The following MUC3A variants were observed in gnomAD, a reference collection of about 807,000 sequenced individuals.
MUC3A encodes the protein mucin-3A.
Under a neutral mutation model 109.0 loss-of-function variants are expected in MUC3A, and 109 were observed. The ratio of observed to expected loss-of-function variants is 1.00; its 90% CI spans 0.86 to 1.17. The LOEUF is 1.17. MUC3A is among the 50% of genes most tolerant of loss of function. The pLI, the probability that MUC3A is intolerant of heterozygous loss-of-function variation, is 0.00. For missense variants in MUC3A, 3,537 were observed against 2,469.4 expected, an observed-to-expected ratio of 1.43 and a Z score of -9.16; for synonymous variants, 1,398 against 981.4, an observed-to-expected ratio of 1.42 and a Z score of -7.93.
chr7:100,963,357 G>T, intron 4 of MUC3A, 91 bp downstream of exon 4: 2 of 947,372 alleles, frequency 2.1e-6, no homozygotes, highest in Non-Finnish European at 3.1e-6. Flanking sequence ...GCGATCTTGG[G>T]TCACTGCAAC....
chr7:100,952,687 C>A lies in MUC3A; in HGVS notation c.908C>A (p.Thr303Lys), dbSNP rs373932626. The change falls in exon 2 of 12, where the codon ACA (threonine) becomes AAA (lysine). Residue 303 changes from threonine (T) to lysine (K), a missense_variant. Transcript: ENST00000379458. ...LSSTPVLSTE[T>K]ITSGITNTTP... Reference sequence around the variant, plus strand: ...TCCACACCTGTCCTGAGCACAGAAACAATCACCAGTGGTATCACAAACACC... The same window carrying A: ...TCCACACCTGTCCTGAGCACAGAAAAAATCACCAGTGGTATCACAAACACC... 1.4e-6 allele frequency: 2 copies of A among 1,454,208 alleles called. No homozygotes were observed. The highest frequency in any genetic ancestry group is 2.1e-5 in the Admixed American group (1 of 47,990). 90.1% of individuals were successfully genotyped at this position (1,454,208 alleles called of 1,614,324 possible).
rs1205111874 is a variant in MUC3A, at chr7:100,955,273, C to A, written c.3494C>A (p.Thr1165Lys). 3 of 764,242 alleles carry A rather than the reference C, an allele frequency of 3.9e-6. No individual in the cohort carries two copies. Among genetic ancestry groups the A allele is most frequent in the Non-Finnish European group, 7.2e-6 (3 of 417,610 alleles). 47.3% of individuals were successfully genotyped at this position (764,242 alleles called of 1,614,324 possible). Residue 1165 changes from threonine (T) to lysine (K), a missense_variant, in exon 2 of 12, where the codon ACA becomes AAA. Thr to Lys is a moderately conservative substitution (Grantham distance 78). Transcript: ENST00000379458. ...TSSTIYSTVS[T>K]STTAISSASP... ...TCAACCATCTACTCCACAGTCAGCA[C>A]ATCCACAACTGCCATCTCCTCAGCT... is the stretch of plus-strand genomic sequence containing the variant.
At position 100,967,104 on chromosome 7, in the gene MUC3A, C is replaced by T. The variant is rs972050398; in HGVS notation, c.9931-17C>T. The T allele has an allele frequency of 1.3e-6, 2 of 1,598,550 alleles. No homozygotes were observed. Among genetic ancestry groups the T allele is most frequent in the Non-Finnish European group, 1.7e-6 (2 of 1,179,822 alleles). ...CCAGTGGCTCCGCGTTCCCGTCCCTCACTGTGACTCTGACAGGTGCACATC... is the reference window on the plus strand; with the variant it reads ...CCAGTGGCTCCGCGTTCCCGTCCCTTACTGTGACTCTGACAGGTGCACATC... On this transcript the variant is annotated splice_polypyrimidine_tract_variant and intron_variant, in intron 11 of 11. Transcript: ENST00000379458.
At chr7:100,963,303 T>TTTTGA in intron 4 of MUC3A, 37 bp downstream of exon 4, 12 of 1,393,072 alleles carry the variant, frequency 8.6e-6, no homozygotes, top group South Asian at 2.6e-5. Context: ...TTTTTTTTTT[T>TTTTGA]GAGGTGTAGT....
In MUC3A at chr7:100,953,542, C is replaced by A; in HGVS notation, c.1763C>A (p.Ser588Ter). ...ACTTCCACAACTATGGAACCACCTT[C>A]AACCACTGCAGCAACTACAGGAACA... ...FTTSTTMEPP[S>*]TTAATTGTGQ... The change falls in exon 2 of 12, where the codon TCA (serine) becomes TAA (stop). Residue 588 changes from serine (S) to a stop codon, truncating the protein, a stop_gained. Transcript: ENST00000379458. LOFTEE classifies it high-confidence loss of function. The A allele has an allele frequency of 2.5e-6, 1 of 393,372 alleles. No homozygotes were observed. Among genetic ancestry groups the A allele is most frequent in the Middle Eastern group, 5.1e-4 (1 of 1,958 alleles). 24.4% of individuals were successfully genotyped at this position (393,372 alleles called of 1,614,324 possible). A position where few individuals can be genotyped will look rare whatever the true frequency, so the allele number is the denominator to read the frequency against.
At chr7:100,964,906 GC>G (rs776732733) in intron 6 of MUC3A, 63 bp downstream of exon 6, 4,341 of 1,525,036 alleles carry the variant, frequency 2.8e-3, no homozygotes, top group Non-Finnish European at 3.5e-3. Context: ...CTCCAGCTCA[GC>G]CAGGGGGCCA....
Position 100,960,480 on chromosome 7 carries a change from A to G in MUC3A, c.8701A>G (p.Thr2901Ala). ...CATGAAACCAAGCAGTAGCCTCCCG[A>G]CCATCCTGAGGACTTCAAGCAAGTC... ...LTMKPSSSLP[T>A]ILRTSSKSTH... The change falls in exon 2 of 12, where the codon ACC becomes GCC. Residue 2901 changes from threonine to alanine, a missense_variant. By Grantham distance (58) the Thr-to-Ala change is moderately conservative. Coordinates refer to ENST00000379458, the MANE Select transcript of MUC3A (RefSeq NM_005960.2). The G allele has an allele frequency of 1.3e-6, 2 of 1,598,658 alleles. No individual in the cohort carries two copies. The highest frequency in any genetic ancestry group is 1.3e-5 in the African/African-American group (1 of 75,086).
At position 100,957,132 on chromosome 7, in the gene MUC3A, A is replaced by T; in HGVS notation, c.5353A>T (p.Thr1785Ser). Residue 1785 changes from threonine to serine, a missense_variant, in exon 2 of 12, where the codon ACA becomes TCA. Transcript: ENST00000379458. ...GACAACTACCACCCCTCTAGGGCCC[A>T]CAGCCACTAATACGTTACCATCATT... ...SMTTTTPLGP[T>S]ATNTLPSFTS... The T allele has an allele frequency of 2.2e-6, 1 of 458,192 alleles. No individual in the cohort carries two copies. The highest frequency in any genetic ancestry group is 3.8e-6 in the Non-Finnish European group (1 of 261,582). 28.4% of individuals were successfully genotyped at this position (458,192 alleles called of 1,614,324 possible).
Position 100,967,285 on chromosome 7 carries a change from G to C in MUC3A, c.*123G>C, listed in dbSNP as rs1792630484. ...CCAGGCTCCTGCTGTTCTTGGGCAAGATGAGACTGTTCCCCCAAATCCCAT... is the reference window on the plus strand; with the variant it reads ...CCAGGCTCCTGCTGTTCTTGGGCAACATGAGACTGTTCCCCCAAATCCCAT... On this transcript the variant is annotated 3_prime_UTR_variant, in exon 12 of 12. Coordinates refer to ENST00000379458, the MANE Select transcript of MUC3A (RefSeq NM_005960.2). 6.9e-7 allele frequency: 1 copy of C among 1,451,580 alleles called. No individual in the cohort carries two copies. Among genetic ancestry groups the C allele is most frequent in the Non-Finnish European group, 9.3e-7 (1 of 1,072,802 alleles). 89.9% of individuals were successfully genotyped at this position (1,451,580 alleles called of 1,614,324 possible).
At position 100,959,667 on chromosome 7, in the gene MUC3A, C is replaced by G; in HGVS notation, c.7888C>G (p.Pro2630Ala). ...CACGATCGTGTCAACATCACAGGTT[C>G]CTATTCCTAGCACACATTCCTCCAC... ...LSTIVSTSQV[P>A]IPSTHSSTLQ... The change falls in exon 2 of 12, where the codon CCT becomes GCT. Residue 2630 changes from proline (P) to alanine (A), a missense_variant. By Grantham distance (27) the Pro-to-Ala change is conservative. Transcript: ENST00000379458. The G allele has an allele frequency of 6.3e-7, 1 of 1,598,528 alleles. No individual in the cohort carries two copies. The highest frequency in any genetic ancestry group is 8.5e-7 in the Non-Finnish European group (1 of 1,179,796).
In MUC3A at chr7:100,965,764, C is replaced by T; in HGVS notation, c.9509C>T (p.Ala3170Val). ...GAGTTCTACTTCCCCTTGGTGGAGG[C>T]CACCCGGCTCCGCTGTGTCACCAAA... ...YEEFYFPLVE[A>V]TRLRCVTKCT... The change falls in exon 8 of 12, where the codon GCC becomes GTC. Residue 3170 changes from alanine to valine, a missense_variant. Ala to Val is a moderately conservative substitution (Grantham distance 64). Transcript: ENST00000379458. 6.3e-7 allele frequency: 1 copy of T among 1,598,460 alleles called. No homozygotes were observed. The highest frequency in any genetic ancestry group is 2.2e-5 in the East Asian group (1 of 44,890).
intron 5 of MUC3A, 153 bp downstream of exon 5, chr7:100,963,905 C>T (rs983158836): frequency 1.0e-5 from 11 of 1,097,328 alleles, no homozygotes; most frequent in East Asian, 5.2e-5. Context: ...TTTTTCGGAT[C>T]GTTTTCTGGG....
In MUC3A at chr7:100,958,145, C is replaced by G; in HGVS notation, c.6366C>G (p.His2122Gln). ...TCACCACCTCTGAGATGCCCTCACACAGTACTCCCAGCTTCACTTCTTCGA... is the reference window on the plus strand; with the variant it reads ...TCACCACCTCTGAGATGCCCTCACAGAGTACTCCCAGCTTCACTTCTTCGA... The part of the protein sequence containing the change: ...SSITTSEMPS[H>Q]STPSFTSSIT... Residue 2122 changes from histidine to glutamine, a missense_variant, in exon 2 of 12, where the codon CAC becomes CAG. Coordinates refer to ENST00000379458, the MANE Select transcript of MUC3A (RefSeq NM_005960.2). The G allele has an allele frequency of 2.2e-6, 2 of 925,994 alleles. No individual in the cohort carries two copies. Among genetic ancestry groups the G allele is most frequent in the Non-Finnish European group, 3.0e-6 (2 of 657,820 alleles). The allele number at this position is 925,994 out of a possible 1,614,324, so 57.4% of individuals were successfully genotyped here.
In MUC3A at chr7:100,956,833, C is replaced by T; in HGVS notation, c.5054C>T (p.Ala1685Val). 2.4e-6 allele frequency: 1 copy of T among 413,422 alleles called. No individual in the cohort carries two copies. The highest frequency in any genetic ancestry group is 4.3e-5 in the Admixed American group (1 of 23,192). 25.6% of individuals were successfully genotyped at this position (413,422 alleles called of 1,614,324 possible). The change falls in exon 2 of 12, where the codon GCC (alanine) becomes GTC (valine). Residue 1685 changes from alanine (A) to valine (V), a missense_variant. Physicochemically the swap from Ala to Val is moderately conservative, Grantham distance 64. Transcript: ENST00000379458. ...THTQSISSPP[A>V]ITSTLHTTAE... The stretch of plus-strand genomic sequence containing the variant: ...ACCCAGAGTATCTCCTCACCCCCAG[C>T]CATCACCAGTACACTCCACACAACA...
At position 100,965,299 on chromosome 7, in the gene MUC3A, G is replaced by A. The variant is rs747001018; in HGVS notation, c.9400G>A (p.Asp3134Asn). 11 of 1,599,128 alleles carry A rather than the reference G, an allele frequency of 6.9e-6. No individual in the cohort carries two copies. The highest frequency in any genetic ancestry group is 1.6e-4 in the Middle Eastern group (1 of 6,082). ...QDSQTLCFKP[D>N]SIKVNNNSKT... The stretch of plus-strand genomic sequence containing the variant: ...TTCCGCAGCCCTGTGTTTTAAGCCT[G>A]ACTCCATCAAGGTGAACAACAACAG... The change falls in exon 7 of 12, where the codon GAC (aspartate) becomes AAC (asparagine). Residue 3134 changes from aspartate (D) to asparagine (N), a missense_variant. By Grantham distance (23) the Asp-to-Asn change is conservative. Transcript: ENST00000379458.
At chr7:100,966,312 C>A (rs997116103) in intron 8 of MUC3A, 74 bp from the exon 9 acceptor site, 2 of 1,200,368 alleles carry the variant, frequency 1.7e-6, no homozygotes, top group African/African-American at 2.0e-5. Context: ...CTCACCCGCC[C>A]CCGCGGGGCC....
At chr7:100,966,049 T>G (rs1415805911) in intron 8 of MUC3A, 183 bp downstream of exon 8, 1,994 of 854,696 alleles carry the variant, frequency 2.3e-3, no homozygotes, top group Non-Finnish European at 3.1e-3. Flanking sequence ...GCTCTGCTCC[T>G]TTGATGGGGT....
intron 1 of MUC3A, 115 bp from the exon 2 acceptor site, chr7:100,951,726 C>T: frequency 5.4e-6 from 8 of 1,480,588 alleles, no homozygotes; most frequent in Non-Finnish European, 7.3e-6. Flanking sequence ...CTGTAATATG[C>T]CCTGCCCTCT....
rs1792159177 is a variant in MUC3A at position 100,958,324 on chromosome 7, C to A, written c.6545C>A (p.Ser2182Tyr). 1.5e-5 allele frequency: 1 copy of A among 66,082 alleles called. No individual in the cohort carries two copies. The highest frequency in any genetic ancestry group is 2.0e-4 in the East Asian group (1 of 5,076). 4.1% of individuals were successfully genotyped at this position (66,082 alleles called of 1,614,324 possible). ...AGGTGGGGGACCACCGAGACCACAT[C>A]CTACAGTACTCCCAGCTTCACTTCT... ...SHRWGTTETT[S>Y]YSTPSFTSSN... is the part of the protein sequence containing the mutation. Residue 2182 changes from serine (S) to tyrosine (Y), a missense_variant, in exon 2 of 12, where the codon TCC becomes TAC. Coordinates refer to ENST00000379458, the MANE Select transcript of MUC3A (RefSeq NM_005960.2).
Sources: allele counts gnomAD v4.1 joint callset, GRCh38; gene constraint gnomAD v4.1.1; transcripts MANE v1.5; gene names NCBI Gene and HGNC (gene_info 2026-07-23, HGNC 2026-07-21).